The following RBFOX1 variants were observed in gnomAD, a reference collection of about 807,000 sequenced individuals.
The protein encoded by RBFOX1 is RNA binding fox-1 homolog 1.
In RBFOX1, 8 loss-of-function variants were observed where a neutral mutation model predicts 57.7. The observed-to-expected ratio is 0.14, with a 90% CI of 0.08 to 0.25. The LOEUF is 0.25. RBFOX1 is among the 10% of genes least tolerant of loss of function. The pLI is 1.00. For synonymous variants in RBFOX1, 326 were observed against 222.4 expected, an observed-to-expected ratio of 1.47 and a Z score of -4.15; for missense variants, 611 against 548.5, an observed-to-expected ratio of 1.11 and a Z score of -1.14.
chr16:6,639,737 G>C (rs2098472017), intron 2 of RBFOX1, among the ~76,000 whole-genome samples: 1 of 152,082 alleles, frequency 6.6e-6, no homozygotes, highest in Non-Finnish European at 1.5e-5. Context: ...AAATTAGTTG[G>C]TCAAGGTGTT....
In RBFOX1 at chr16:7,400,102, A is replaced by G. The variant is rs533358941; in HGVS notation, c.28-118045A>G. Among the ~76,000 whole-genome samples the G allele has an allele frequency of 2.5e-4, 38 of 152,262 alleles. 1 individual carries two copies. The South Asian group carries it at 7.9e-3, about 32-fold the overall frequency. On this transcript the variant is annotated intron_variant, in intron 4 of 15. Coordinates refer to ENST00000550418, the MANE Select transcript of RBFOX1 (RefSeq NM_018723.4). ...GACCATTTTTCTTAGTCACCCAACTAAGAAAGTGGCACAGTTGGTATCCTA... is the reference window on the plus strand; with the variant it reads ...GACCATTTTTCTTAGTCACCCAACTGAGAAAGTGGCACAGTTGGTATCCTA...
At chr16:5,786,547 G>C (rs763203567) in intron 3 of RBFOX1, among the ~76,000 whole-genome samples, 20 of 152,174 alleles carry the variant, frequency 1.3e-4, no homozygotes, top group Non-Finnish European at 2.2e-4. Context: ...CACTACCCCA[G>C]TGTGGGGAAC....
At chr16:7,017,293 A>C (rs1172182559) in intron 3 of RBFOX1, among the ~76,000 whole-genome samples, 3 of 152,120 alleles carry the variant, frequency 2.0e-5, no homozygotes, top group African/African-American at 7.2e-5. Flanking sequence ...GATGGCAAAT[A>C]ATGGAAATTT....
chr16:7,067,392 A>C (rs987004544), intron 4 of RBFOX1, among the ~76,000 whole-genome samples: 1 of 152,190 alleles, frequency 6.6e-6, no homozygotes, highest in African/African-American at 2.4e-5. Flanking sequence ...TCACTGAAGT[A>C]AAACTGAAAT....
intron 4 of RBFOX1, among the ~76,000 whole-genome samples, chr16:7,430,225 T>G (rs2098665557): frequency 1.3e-5 from 2 of 152,268 alleles, no homozygotes; most frequent in Admixed American, 6.5e-5. Flanking sequence ...TCCAGCCTCA[T>G]GTCTTCACTC....
intron 1 of RBFOX1, among the ~76,000 whole-genome samples, chr16:5,432,559 G>GTTTTTTTTTTTTTTTGTTTTTTTT (rs2067781309): frequency 2.1e-5 from 2 of 94,224 alleles, no homozygotes; most frequent in African/African-American, 4.0e-5. Context: ...TTGTTTGTTT[G>GTTTTTTTTTTTTTTTGTTTTTTTT]TTTTTTTTTT....
At chr16:5,455,021 TTCTCTCTCTCTGTCTG>T (rs1567536434) in intron 1 of RBFOX1, among the ~76,000 whole-genome samples, 1 of 113,128 alleles carries the variant, frequency 8.8e-6, no homozygotes, top group African/African-American at 3.4e-5. Context: ...CTTTCTTTCT[TTCTCTCTCTCTGTCTG>T]TCTCTCTTTC....
intron 4 of RBFOX1, among the ~76,000 whole-genome samples, chr16:7,158,708 A>C (rs2077657790): frequency 7.1e-6 from 1 of 140,616 alleles, no homozygotes; most frequent in South Asian, 2.5e-4. Flanking sequence ...TGTGTGGTGC[A>C]TATGTGTGCA....
At chr16:5,908,823 G>A (rs2058542333) in intron 4 of RBFOX1, among the ~76,000 whole-genome samples, 1 of 152,036 alleles carries the variant, frequency 6.6e-6, no homozygotes, top group African/African-American at 2.4e-5. Flanking sequence ...GCCTTTGGGA[G>A]TGGAGGAACC....
intron 4 of RBFOX1, among the ~76,000 whole-genome samples, chr16:7,433,913 G>T (rs1429465551): frequency 6.6e-6 from 1 of 152,178 alleles, no homozygotes; most frequent in African/African-American, 2.4e-5. Context: ...TTCAGAGAAA[G>T]GTGGTAGATA....
intron 1 of RBFOX1, among the ~76,000 whole-genome samples, chr16:5,298,613 CTCCCCTCCTT>C (rs1202641789): frequency 0.012 from 188 of 15,954 alleles, 14 homozygotes; most frequent in East Asian, 0.028. Flanking sequence ...CTCCCCTCCC[CTCCCCTCCTT>C]TCCCCTCCTT....
At chr16:6,675,534 C>T (rs778039293) in intron 3 of RBFOX1, among the ~76,000 whole-genome samples, 1 of 152,128 alleles carries the variant, frequency 6.6e-6, no homozygotes, top group Non-Finnish European at 1.5e-5. Flanking sequence ...GGCCCTGCCA[C>T]AGTAGGCATG....
At chr16:7,070,870 C>G (rs1022285382) in intron 4 of RBFOX1, among the ~76,000 whole-genome samples, 1 of 152,096 alleles carries the variant, frequency 6.6e-6, no homozygotes, top group Admixed American at 6.5e-5. Flanking sequence ...GGTGACAAAA[C>G]CAGCACTGAC....
At chr16:6,469,943 A>C (rs139932761) in intron 2 of RBFOX1, among the ~76,000 whole-genome samples, 3 of 152,214 alleles carry the variant, frequency 2.0e-5, no homozygotes, top group Admixed American at 2.0e-4. Context: ...CTGCCATCTT[A>C]CTGGTGATAA....
chr16:5,830,934 A>T (rs1250536776), intron 3 of RBFOX1, among the ~76,000 whole-genome samples: 1 of 151,542 alleles, frequency 6.6e-6, no homozygotes, highest in Non-Finnish European at 1.5e-5. Flanking sequence ...TGGCCAAATT[A>T]ACTCAGACTG....
chr16:5,502,475 C>T (rs999251759), intron 2 of RBFOX1, among the ~76,000 whole-genome samples: 1 of 152,124 alleles, frequency 6.6e-6, no homozygotes, highest in African/African-American at 2.4e-5. Context: ...CCCTAGTGTC[C>T]CTGTTCTGGA....
chr16:7,485,407 T>G (rs2065120355), intron 4 of RBFOX1, among the ~76,000 whole-genome samples: 1 of 152,230 alleles, frequency 6.6e-6, no homozygotes, highest in Admixed American at 6.5e-5. Context: ...TTCTCCTTGT[T>G]GAATTACAAA....
chr16:5,690,623 A>G (rs758327125), intron 3 of RBFOX1, among the ~76,000 whole-genome samples: 3 of 152,144 alleles, frequency 2.0e-5, no homozygotes, highest in African/African-American at 4.8e-5. Flanking sequence ...CAAGGACTCG[A>G]TTTTACTTCC....
rs764293495 is a variant in RBFOX1 at position 6,562,660 on chromosome 16, G to A, written c.-63-91943G>A. 5.3e-5 allele frequency among the ~76,000 whole-genome samples: 8 copies of A among 152,160 alleles called. 1 individual carries two copies. The highest frequency in any genetic ancestry group is 7.4e-5 in the Non-Finnish European group (5 of 68,024). On this transcript the variant is annotated intron_variant, in intron 2 of 15. Coordinates refer to ENST00000550418, the MANE Select transcript of RBFOX1 (RefSeq NM_018723.4). ...CTTTTAGTTGACAAATGAGAAAGCA[G>A]CCATGAATCTGAGTCTCTTACTTGG...
Sources: allele counts gnomAD v4.1 joint callset (sites outside exome capture counted in the v4.1 genomes callset), GRCh38; gene constraint gnomAD v4.1.1; transcripts MANE v1.5; gene names NCBI Gene and HGNC (gene_info 2026-07-23, HGNC 2026-07-21).